The following CLTCL1 variants were observed in gnomAD, a reference collection of about 807,000 sequenced individuals.
CLTCL1 encodes the protein clathrin heavy chain like 1.
A neutral mutation model predicts 190.0 loss-of-function variants in CLTCL1; 159 were observed. The observed-to-expected ratio is 0.84, with a 90% CI of 0.74 to 0.95. The LOEUF (loss-of-function observed/expected upper bound fraction) is 0.95, where lower values mean the gene tolerates loss of function less well. CLTCL1 is among the 40% of genes least tolerant of loss of function. The pLI, the probability that CLTCL1 is intolerant of heterozygous loss-of-function variation, is 0.00. For synonymous variants in CLTCL1, 752 were observed against 769.6 expected (o/e 0.98, Z 0.38); for missense variants, 1,878 against 2,033.4 (o/e 0.92, Z 1.47).
At chr22:19,270,890 G>A (rs1478408820) in intron 2 of CLTCL1, among the ~76,000 whole-genome samples, 1 of 152,036 alleles carries the variant, frequency 6.6e-6, no homozygotes, top group African/African-American at 2.4e-5. Flanking sequence ...TTAGATCACA[G>A]AGGAAATTTC....
chr22:19,207,784 C>T lies in CLTCL1; in HGVS notation c.3600+370G>A, dbSNP rs981008994. 16 of 579,420 alleles carry T rather than the reference C, an allele frequency of 2.8e-5. No homozygotes were observed. In the African/African-American group the frequency reaches 3.0e-4, roughly 11 times the overall value. 35.9% of individuals were successfully genotyped at this position (579,420 alleles called of 1,614,324 possible). A position where few individuals can be genotyped will look rare whatever the true frequency, so the allele number is the denominator to read the frequency against. ...AGCACAAACCCTATTGTGAACAGCACACGCGAGGATCTGTGTTGCATGCTT... is the reference window on the plus strand; with the variant it reads ...AGCACAAACCCTATTGTGAACAGCATACGCGAGGATCTGTGTTGCATGCTT... On this transcript the variant is annotated intron_variant, in intron 22 of 32. Transcript: ENST00000427926.
chr22:19,269,763 A>G (rs782783909), intron 2 of CLTCL1, among the ~76,000 whole-genome samples: 8 of 152,142 alleles, frequency 5.3e-5, no homozygotes, highest in Admixed American at 2.0e-4. Context: ...GGGGAACAAC[A>G]CACACCAGGC....
rs918330861 is a variant in CLTCL1, at chr22:19,234,627, C to T, written c.1049G>A (p.Arg350His). The part of the protein sequence containing the change: ...NVLQNPDLGL[R>H]LAVRSNLAGA... Reference sequence around the variant, plus strand: ...AGCCAGGTTACTACGAACGGCCAAACGCAGACCAAGGTCTGGATTCTGAAG... The same window carrying T: ...AGCCAGGTTACTACGAACGGCCAAATGCAGACCAAGGTCTGGATTCTGAAG... Residue 350 changes from arginine to histidine, a missense_variant, in exon 7 of 33, where the codon CGT becomes CAT. Arg to His is a conservative substitution (Grantham distance 29). Transcript: ENST00000427926. 6.8e-6 allele frequency: 11 copies of T among 1,613,978 alleles called. No homozygotes were observed. The highest frequency in any genetic ancestry group is 1.1e-5 in the South Asian group (1 of 91,086).
At position 19,252,007 on chromosome 22, in the gene CLTCL1, T is replaced by C. The variant is rs564511284; in HGVS notation, c.519+1952A>G. Among the ~76,000 whole-genome samples the C allele has an allele frequency of 5.3e-5, 8 of 152,340 alleles. No homozygotes were observed. The South Asian group carries it at 1.7e-3, about 32-fold the overall frequency. ...CTGCAATGCCACTGCCTTCATCTAGTCACACATGCTTCATATCTTCTGGGG... is the reference window on the plus strand; with the variant it reads ...CTGCAATGCCACTGCCTTCATCTAGCCACACATGCTTCATATCTTCTGGGG... On this transcript the variant is annotated intron_variant, in intron 3 of 32. Coordinates refer to ENST00000427926, the MANE Select transcript of CLTCL1 (RefSeq NM_007098.4).
chr22:19,189,406 T>C (rs2084419670), intron 27 of CLTCL1, among the ~76,000 whole-genome samples: 2 of 152,226 alleles, frequency 1.3e-5, no homozygotes, highest in African/African-American at 2.4e-5. Flanking sequence ...TCTCCAACCT[T>C]GCTGCCACTT....
At chr22:19,264,908 C>T (rs1230831059) in intron 2 of CLTCL1, among the ~76,000 whole-genome samples, 2 of 151,994 alleles carry the variant, frequency 1.3e-5, no homozygotes, top group Non-Finnish European at 2.9e-5. Context: ...CCTCCTTCAG[C>T]GTCCCAAGTA....
chr22:19,216,053 T>C (rs2085374800), intron 19 of CLTCL1, 58 bp downstream of exon 19: 1 of 1,547,688 alleles, frequency 6.5e-7, no homozygotes. Context: ...AGAAGATGAG[T>C]ATCAAGCAGA....
intron 2 of CLTCL1, among the ~76,000 whole-genome samples, chr22:19,271,121 G>A (rs192208968): frequency 4.7e-4 from 72 of 151,692 alleles, no homozygotes; most frequent in African/African-American, 1.6e-3. Flanking sequence ...CAACTCTGCC[G>A]CACAGATACT....
chr22:19,288,436 T>G (rs2087988071), intron 1 of CLTCL1, among the ~76,000 whole-genome samples: 1 of 152,242 alleles, frequency 6.6e-6, no homozygotes, highest in African/African-American at 2.4e-5. Flanking sequence ...TCGGGACTAC[T>G]GTATTATGTA....
At chr22:19,224,299 T>A (rs2085671142) in intron 13 of CLTCL1, among the ~76,000 whole-genome samples, 1 of 152,044 alleles carries the variant, frequency 6.6e-6, no homozygotes, top group Non-Finnish European at 1.5e-5. Flanking sequence ...TTGGTACAAG[T>A]GAAATTCCTT....
intron 4 of CLTCL1, 74 bp downstream of exon 4, chr22:19,242,701 G>A: frequency 6.5e-7 from 1 of 1,532,202 alleles, no homozygotes. Flanking sequence ...GCCATGCCCA[G>A]CCACACACAC....
intron 11 of CLTCL1, 114 bp downstream of exon 11, chr22:19,229,724 G>T: frequency 9.5e-7 from 1 of 1,053,742 alleles, no homozygotes; most frequent in Non-Finnish European, 1.3e-6. Context: ...AGAAGTACAA[G>T]ATAAACATCT....
chr22:19,187,823 C>A, intron 28 of CLTCL1, 95 bp from the exon 29 acceptor site: 1 of 1,402,914 alleles, frequency 7.1e-7, no homozygotes, highest in Non-Finnish European at 1.0e-6. Context: ...CTGTTGCTAT[C>A]AGCACAGCCT....
At chr22:19,224,245 T>C (rs1311457661) in intron 13 of CLTCL1, among the ~76,000 whole-genome samples, 191 bp from the exon 14 acceptor site, 3 of 151,864 alleles carry the variant, frequency 2.0e-5, no homozygotes, top group African/African-American at 7.2e-5. Context: ...TCCATTATAT[T>C]TGGCAGGTAT....
At chr22:19,187,399 G>C (rs2146215993) in intron 29 of CLTCL1, among the ~76,000 whole-genome samples, 159 bp downstream of exon 29, 1 of 152,180 alleles carries the variant, frequency 6.6e-6, no homozygotes. Context: ...TTCTAAATAT[G>C]GTCTCCCATT....
chr22:19,208,221 G>A lies in CLTCL1; in HGVS notation c.3533C>T (p.Ala1178Val), dbSNP rs782081944. Residue 1178 changes from alanine to valine, a missense_variant, in exon 22 of 33, where the codon GCT (alanine) becomes GTT (valine). Ala to Val is a moderately conservative substitution (Grantham distance 64, BLOSUM62 0). Transcript: ENST00000427926. ...YIETELIFAL[A>V]KTSRVSELED... ...TAGCTCAGAAACACGGCTGGTTTTA[G>A]CCAAGGCAAAAATAAGTTCAGTCTC... 1 of 1,613,808 alleles carries A rather than the reference G, an allele frequency of 6.2e-7. No homozygotes were observed. The highest frequency in any genetic ancestry group is 1.7e-5 in the Admixed American group (1 of 60,024).
At chr22:19,180,065 G>A in intron 32 of CLTCL1, 96 bp from the exon 33 acceptor site, 1 of 755,776 alleles carries the variant, frequency 1.3e-6, no homozygotes, top group South Asian at 1.6e-5. Flanking sequence ...AGGGAGCAGG[G>A]TCTATAGGAC....
chr22:19,210,459 C>T lies in CLTCL1; in HGVS notation c.3116G>A (p.Arg1039Gln), dbSNP rs781878409. Residue 1039 changes from arginine to glutamine, a missense_variant, in exon 20 of 33, where the codon CGG (arginine) becomes CAG (glutamine). Arg to Gln is a conservative substitution (Grantham distance 43). Transcript: ENST00000427926. Reference protein sequence around the residue: ...ILTAIKADRTRVMEYISRLDN... With the variant: ...ILTAIKADRTQVMEYISRLDN... Reference sequence around the variant, plus strand: ...CAGGCGGCTGATGTACTCCATGACCCGTGTGCGGTCTGCCTTGATGGCAGT... The same window carrying T: ...CAGGCGGCTGATGTACTCCATGACCTGTGTGCGGTCTGCCTTGATGGCAGT... 1.1e-5 allele frequency: 18 copies of T among 1,613,798 alleles called. No individual in the cohort carries two copies. Among genetic ancestry groups the T allele is most frequent in the African/African-American group, 8.0e-5 (6 of 74,910 alleles).
At chr22:19,203,910 G>A (rs1411905367) in intron 22 of CLTCL1, among the ~76,000 whole-genome samples, 26 of 151,988 alleles carry the variant, frequency 1.7e-4, no homozygotes, top group African/African-American at 5.8e-4. Flanking sequence ...AGCTTGACCC[G>A]CCCTCACTGC....
Sources: allele counts gnomAD v4.1 joint callset (sites outside exome capture counted in the v4.1 genomes callset), GRCh38; gene constraint gnomAD v4.1.1; transcripts MANE v1.5; gene names NCBI Gene and HGNC (gene_info 2026-07-23, HGNC 2026-07-21).